Variants in PNPLA1 observed in about 807,000 individuals in gnomAD.
PNPLA1 encodes the protein omega-hydroxyceramide transacylase.
PNPLA1 carries 36 observed loss-of-function variants against 51.7 expected under a neutral mutation model. The observed-to-expected ratio is 0.70, with a 90% CI of 0.53 to 0.92. PNPLA1 has a LOEUF of 0.92. Ranked by LOEUF, PNPLA1 falls within the 40% of genes least tolerant of loss-of-function variation. The probability of loss-of-function intolerance (pLI) is 0.00; values close to 1 mark genes in which losing one functional copy is unlikely to be tolerated. For missense variants in PNPLA1, 658 were observed against 682.5 expected (o/e 0.96, Z 0.40); for synonymous variants, 293 against 280.1 (o/e 1.05, Z -0.46).
intron 1 of PNPLA1, among the ~76,000 whole-genome samples, chr6:36,256,667 C>G (rs529204505): frequency 6.6e-6 from 1 of 152,042 alleles, no homozygotes; most frequent in Admixed American, 6.5e-5. Flanking sequence ...AGGATGGTCT[C>G]GACCTCTTGA....
At chr6:36,297,109 C>T (rs1318758109) in intron 5 of PNPLA1, among the ~76,000 whole-genome samples, 1 of 152,194 alleles carries the variant, frequency 6.6e-6, no homozygotes, top group Non-Finnish European at 1.5e-5. Flanking sequence ...CTTCAGGAAT[C>T]TGTCCCCAAA....
Position 36,311,781 on chromosome 6 carries a change from C to CA in PNPLA1, c.1616dup (p.Asn539LysfsTer9), listed in dbSNP as rs1771413299. 1 of 152,790 alleles carries CA rather than the reference C, an allele frequency of 6.5e-6. No homozygotes were observed. Among genetic ancestry groups the CA allele is most frequent in the Admixed American group, 6.5e-5 (1 of 15,280 alleles). 9.5% of individuals were successfully genotyped at this position (152,790 alleles called of 1,614,324 possible). A position where few individuals can be genotyped will look rare whatever the true frequency, so the allele number is the denominator to read the frequency against. ...TATCCAGGTCTGCTCCCTGCCCACTCAACTTCCCTCTGCTCTCCACTTCTG... is the reference window on the plus strand; with the variant it reads ...TATCCAGGTCTGCTCCCTGCCCACTCAAACTTCCCTCTGCTCTCCACTTCTG... On this transcript the variant is annotated frameshift_variant, in exon 9 of 9. Coordinates refer to ENST00000636260, the MANE Select transcript of PNPLA1 (RefSeq NM_001374623.1). LOFTEE classifies it low-confidence loss of function (END_TRUNC).
chr6:36,270,615 A>C lies in PNPLA1; in HGVS notation c.156A>C (p.Thr52=). ...AAACAGCCCACCGCTTTGCGGGGAC[A>C]TCGGCAGGTGCTGTGATCGCCGCCC... The part of the protein sequence containing the change: ...MLETAHRFAG[T]SAGAVIAALA... Residue 52 remains threonine, a synonymous_variant, in exon 1 of 9, where the codon ACA becomes ACC. Transcript: ENST00000636260. 6.4e-7 allele frequency: 1 copy of C among 1,551,546 alleles called. No individual in the cohort carries two copies. Among genetic ancestry groups the C allele is most frequent in the Non-Finnish European group, 8.7e-7 (1 of 1,146,988 alleles).
chr6:36,269,986 TG>T (rs1355990346), upstream of PNPLA1, among the ~76,000 whole-genome samples: 1 of 151,634 alleles, frequency 6.6e-6, no homozygotes, highest in Non-Finnish European at 1.5e-5. Context: ...GGGAGGGAGG[TG>T]TACACCGATA....
intron 1 of PNPLA1, among the ~76,000 whole-genome samples, chr6:36,276,160 C>T (rs1319927802): frequency 1.3e-5 from 2 of 151,750 alleles, no homozygotes; most frequent in Non-Finnish European, 2.9e-5. Flanking sequence ...GGTTTCACCA[C>T]GTTGGTCAGG....
rs776679578 is a variant in PNPLA1, at chr6:36,270,402, G to A, written c.-58G>A. 8.5e-6 allele frequency: 13 copies of A among 1,530,154 alleles called. No individual in the cohort carries two copies. The highest frequency in any genetic ancestry group is 3.6e-5 in the South Asian group (3 of 83,176). 94.8% of individuals were successfully genotyped at this position (1,530,154 alleles called of 1,614,324 possible). On this transcript the variant is annotated 5_prime_UTR_variant, in exon 1 of 9. Coordinates refer to ENST00000636260, the MANE Select transcript of PNPLA1 (RefSeq NM_001374623.1). ...CTACAGGGAGCGGCAGCCCAGGCTC[G>A]GGCAGGCAAGTGCTGAAGGGTGGCT...
At chr6:36,282,094 AAGGAAGGAAGGAAG>A (rs1561859352) in intron 1 of PNPLA1, among the ~76,000 whole-genome samples, 37 of 130,612 alleles carry the variant, frequency 2.8e-4, no homozygotes, top group African/African-American at 1.1e-3. Context: ...AGAAAGAAGG[AAGGAAGGAAGGAAG>A]GAAGGAAGGA....
chr6:36,247,286 G>T (rs1049393705), intron 1 of PNPLA1, among the ~76,000 whole-genome samples: 2 of 152,130 alleles, frequency 1.3e-5, no homozygotes, highest in African/African-American at 4.8e-5. Context: ...TAAATTCCAG[G>T]GTTAGTTATT....
intron 1 of PNPLA1, among the ~76,000 whole-genome samples, chr6:36,276,602 A>G (rs940963823): frequency 1.9e-4 from 29 of 152,206 alleles, no homozygotes; most frequent in African/African-American, 7.0e-4. Context: ...GCATTTGCAT[A>G]ATTTTGAAAA....
At chr6:36,296,077 A>G (rs1382432671) in intron 5 of PNPLA1, among the ~76,000 whole-genome samples, 1 of 152,232 alleles carries the variant, frequency 6.6e-6, no homozygotes, top group Non-Finnish European at 1.5e-5. Context: ...GTAGGAGGGC[A>G]AGGCAGGAGA....
chr6:36,280,607 C>T (rs1236415842), intron 1 of PNPLA1, among the ~76,000 whole-genome samples: 4 of 152,176 alleles, frequency 2.6e-5, no homozygotes, highest in Admixed American at 2.6e-4. Context: ...TTCACCCAGC[C>T]CAAGAACGTA....
chr6:36,247,066 C>T (rs1014034984), intron 1 of PNPLA1, among the ~76,000 whole-genome samples: 11 of 152,118 alleles, frequency 7.2e-5, no homozygotes, highest in Non-Finnish European at 1.3e-4. Context: ...ACCAGCCCGC[C>T]GATGGTGCCC....
At chr6:36,306,178 A>G (rs1179613211) in intron 6 of PNPLA1, 114 bp from the exon 7 acceptor site, 1 of 792,874 alleles carries the variant, frequency 1.3e-6, no homozygotes, top group African/African-American at 1.8e-5. Flanking sequence ...TTTGAGGACA[A>G]GAGAGTTCTT....
upstream of PNPLA1, among the ~76,000 whole-genome samples, chr6:36,269,126 G>A (rs1769834017): frequency 6.6e-6 from 1 of 152,210 alleles, no homozygotes; most frequent in African/African-American, 2.4e-5. Context: ...GCAGATAAGT[G>A]AGTCCACCAG....
In PNPLA1 at chr6:36,301,903, C is replaced by T. The variant is rs1249202864; in HGVS notation, c.818C>T (p.Pro273Leu). Residue 273 changes from proline (P) to leucine (L), a missense_variant, in exon 6 of 9, where the codon CCC becomes CTC. By Grantham distance (98) the Pro-to-Leu change is moderately conservative. Coordinates refer to ENST00000636260, the MANE Select transcript of PNPLA1 (RefSeq NM_001374623.1). The stretch of plus-strand genomic sequence containing the variant: ...TCTTCCTCCAAGAGAGTGATTTTCC[C>T]CCGGGTGGAAGTGTACTGCCAGATA... ...LNSSSKRVIFPRVEVYCQIEL... is the reference protein window; with the variant it reads ...LNSSSKRVIFLRVEVYCQIEL... 1 of 1,614,102 alleles carries T rather than the reference C, an allele frequency of 6.2e-7. No individual in the cohort carries two copies. Among genetic ancestry groups the T allele is most frequent in the Non-Finnish European group, 8.5e-7 (1 of 1,180,010 alleles).
chr6:36,310,945 T>TTA (rs1304723214), intron 8 of PNPLA1, among the ~76,000 whole-genome samples: 2 of 152,218 alleles, frequency 1.3e-5, no homozygotes, highest in Non-Finnish European at 2.9e-5. Flanking sequence ...TGTCAGAACC[T>TTA]TATGACCAGT....
chr6:36,308,114 T>A (rs1001906311), intron 8 of PNPLA1: 2 of 154,720 alleles, frequency 1.3e-5, no homozygotes, highest in African/African-American at 4.8e-5. Context: ...TGGTGGCTCA[T>A]GCCTGTAATC....
intron 1 of PNPLA1, among the ~76,000 whole-genome samples, chr6:36,251,767 C>T (rs1769425468): frequency 1.3e-5 from 2 of 151,848 alleles, no homozygotes; most frequent in African/African-American, 4.8e-5. Flanking sequence ...GTGAGAGACC[C>T]GTCTCTACAA....
chr6:36,282,403 T>C (rs1770346935), intron 1 of PNPLA1, among the ~76,000 whole-genome samples: 2 of 152,266 alleles, frequency 1.3e-5, no homozygotes, highest in South Asian at 4.1e-4. Context: ...TCAAATGAAC[T>C]TATGCTTTAC....
Sources: gnomAD v4.1 joint callset for allele counts (sites outside exome capture counted in the v4.1 genomes callset) on GRCh38, gnomAD v4.1.1 for gene constraint, MANE v1.5 for transcripts, NCBI Gene and HGNC (gene_info 2026-07-23, HGNC 2026-07-21) for gene names.